Variants in GPC3 observed in about 807,000 individuals in gnomAD.
GPC3 encodes the protein glypican 3.
Under a neutral mutation model 34.4 loss-of-function variants are expected in GPC3, and 3 were observed. The ratio of observed to expected loss-of-function variants is 0.09; its 90% CI spans 0.04 to 0.23. The LOEUF is 0.23. Among genes scored for constraint, GPC3 ranks in the 10% least tolerant of loss-of-function variants. The pLI, the probability that GPC3 is intolerant of heterozygous loss-of-function variation, is 1.00. For synonymous variants in GPC3, 177 were observed against 174.0 expected (o/e 1.02, Z -0.13); for missense variants, 351 against 445.6 (o/e 0.79, Z 1.91).
intron 2 of GPC3, among the ~76,000 whole-genome samples, chrX:133,813,816 G>C (rs935376237): frequency 8.9e-6 from 1 of 111,897 alleles, no homozygotes; most frequent in African/African-American, 3.2e-5. Context: ...TCCTGAGAAA[G>C]CAAATTGCAA....
intron 2 of GPC3, among the ~76,000 whole-genome samples, chrX:133,842,480 C>G (rs1758055735): frequency 9.3e-6 from 1 of 107,697 alleles, no homozygotes; most frequent in African/African-American, 3.4e-5. Flanking sequence ...TAAGAGAACC[C>G]TGACTAATAC....
intron 7 of GPC3, among the ~76,000 whole-genome samples, chrX:133,582,089 A>T (rs2069737192): frequency 9.0e-6 from 1 of 111,611 alleles, no homozygotes; most frequent in African/African-American, 3.3e-5. Context: ...CAATGTGACC[A>T]CACTGAACAC....
At chrX:133,718,825 T>C (rs1054224613) in intron 3 of GPC3, among the ~76,000 whole-genome samples, 7 of 111,371 alleles carry the variant, frequency 6.3e-5, no homozygotes, top group Non-Finnish European at 1.3e-4. Context: ...AATACCAGAC[T>C]TTGAGACAAA....
At chrX:133,905,432 T>C (rs748443558) in intron 2 of GPC3, among the ~76,000 whole-genome samples, 1 of 112,390 alleles carries the variant, frequency 8.9e-6, no homozygotes, top group Non-Finnish European at 1.9e-5. Flanking sequence ...GCAGTGACAC[T>C]ATAAAGTTAA....
intron 2 of GPC3, among the ~76,000 whole-genome samples, chrX:133,804,204 T>C (rs745465906): frequency 1.3e-4 from 14 of 111,479 alleles, no homozygotes; most frequent in Non-Finnish European, 1.7e-4. Context: ...CATTTTATGA[T>C]CCCCTTTAGA....
At chrX:133,921,918 C>T (rs1322699213) in intron 2 of GPC3, among the ~76,000 whole-genome samples, 2 of 112,340 alleles carry the variant, frequency 1.8e-5, no homozygotes, top group Non-Finnish European at 1.9e-5. Flanking sequence ...TCTTTCTCCC[C>T]GCAACAATGA....
intron 7 of GPC3, among the ~76,000 whole-genome samples, chrX:133,552,496 G>GA (rs1403116585): frequency 1.4e-4 from 16 of 111,344 alleles, no homozygotes; most frequent in Non-Finnish European, 2.3e-4. Context: ...GGAGTGGGGA[G>GA]AAAAAACCAC....
intron 2 of GPC3, among the ~76,000 whole-genome samples, chrX:133,820,543 G>A (rs1569439808): frequency 9.0e-6 from 1 of 111,326 alleles, no homozygotes; most frequent in South Asian, 3.8e-4. Context: ...GACCATCCTA[G>A]TAGTTAGAGT....
At chrX:133,943,996 C>T (rs1310915225) in intron 2 of GPC3, among the ~76,000 whole-genome samples, 1 of 111,523 alleles carries the variant, frequency 9.0e-6, no homozygotes, top group Non-Finnish European at 1.9e-5. Flanking sequence ...CTTTTCTTTT[C>T]TGTTTGGTCA....
chrX:133,854,645 T>G (rs190687949), intron 2 of GPC3, among the ~76,000 whole-genome samples: 1 of 112,259 alleles, frequency 8.9e-6, no homozygotes, highest in East Asian at 2.8e-4. Flanking sequence ...GAAAGCCACA[T>G]GTCAAAAACT....
At chrX:133,678,694 C>T (rs1171108287) in intron 5 of GPC3, among the ~76,000 whole-genome samples, 1 of 111,851 alleles carries the variant, frequency 8.9e-6, no homozygotes, top group Non-Finnish European at 1.9e-5. Flanking sequence ...TAGATGCTAT[C>T]CACTGGGGTT....
intron 1 of GPC3, among the ~76,000 whole-genome samples, chrX:133,958,654 ACCAAAAAAGTAAACTACCAACG>A (rs2076427569): frequency 9.3e-6 from 1 of 107,455 alleles, no homozygotes; most frequent in Non-Finnish European, 1.9e-5. Context: ...ATTTTAAAAT[ACCAAAAAAGTAAACTACCAACG>A]CCTGGCCAAC....
chrX:133,825,790 A>G (rs1037939926), intron 2 of GPC3, among the ~76,000 whole-genome samples: 1 of 112,096 alleles, frequency 8.9e-6, no homozygotes, highest in Non-Finnish European at 1.9e-5. Flanking sequence ...CTGCACAAGT[A>G]AGAAATGATG....
In GPC3 at chrX:133,905,715, TA is replaced by T. The variant is rs1268279902; in HGVS notation, c.337+47334del. Among the ~76,000 whole-genome samples, 536 of 106,148 alleles carry T rather than the reference TA, an allele frequency of 5.0e-3. 2 individuals carry two copies. Among genetic ancestry groups the T allele is most frequent in the African/African-American group, 0.017 (492 of 29,383 alleles). The allele number at this position is 106,148 out of a possible 115,157, so 92.2% of individuals were successfully genotyped here. A position where few individuals can be genotyped will look rare whatever the true frequency, so the allele number is the denominator to read the frequency against. The stretch of plus-strand genomic sequence containing the variant: ...TTTTCATTTAGTGGGGATTTGGGGT[TA>T]AAAAAAAAAGGATTTGACCAGTTCT... On this transcript the variant is annotated intron_variant, in intron 2 of 7. Transcript: ENST00000370818.
intron 5 of GPC3, among the ~76,000 whole-genome samples, chrX:133,676,078 T>A (rs1277014881): frequency 8.9e-6 from 1 of 112,201 alleles, no homozygotes; most frequent in South Asian, 3.7e-4. Context: ...TCATGAGCCA[T>A]CTATACAGCC....
chrX:133,735,696 C>T (rs1197818214), intron 3 of GPC3, among the ~76,000 whole-genome samples: 5 of 111,253 alleles, frequency 4.5e-5, no homozygotes, highest in Non-Finnish European at 7.5e-5. Context: ...GGGGCAGTGG[C>T]TCACACCTGT....
intron 3 of GPC3, among the ~76,000 whole-genome samples, chrX:133,724,973 C>T (rs1338390883): frequency 9.0e-6 from 1 of 111,381 alleles, no homozygotes; most frequent in African/African-American, 3.3e-5. Context: ...CATGGGGCTC[C>T]TGATAGGTAT....
At chrX:133,601,235 G>GT (rs1399358278) in intron 6 of GPC3, among the ~76,000 whole-genome samples, 1 of 111,881 alleles carries the variant, frequency 8.9e-6, no homozygotes, top group Non-Finnish European at 1.9e-5. Context: ...ATATAGAAAC[G>GT]TGAAAGGAAA....
chrX:133,709,112 T>A (rs1488148574), intron 3 of GPC3, among the ~76,000 whole-genome samples: 3 of 112,267 alleles, frequency 2.7e-5, no homozygotes, highest in Non-Finnish European at 5.6e-5. Flanking sequence ...TGCAAATATA[T>A]CATTCTCTTA....
Sources: allele counts gnomAD v4.1 joint callset (sites outside exome capture counted in the v4.1 genomes callset), GRCh38; gene constraint gnomAD v4.1.1; transcripts MANE v1.5; gene names NCBI Gene and HGNC (gene_info 2026-07-23, HGNC 2026-07-21).